Variants in SCN2A observed in about 807,000 individuals in gnomAD.
SCN2A encodes sodium voltage-gated channel alpha subunit 2, also known as sodium channel protein type 2 subunit alpha.
Under a neutral mutation model 188.7 loss-of-function variants are expected in SCN2A, and 20 were observed. The observed-to-expected ratio is 0.11, with a 90% CI of 0.07 to 0.15. SCN2A has a LOEUF of 0.15. Among genes scored for constraint, SCN2A ranks in the 10% least tolerant of loss-of-function variants. The probability of loss-of-function intolerance (pLI) is 1.00; values close to 1 mark genes in which losing one functional copy is unlikely to be tolerated. For synonymous variants in SCN2A, 804 were observed against 833.1 expected, an observed-to-expected ratio of 0.97 and a Z score of 0.60; for missense variants, 1,278 against 2,445.0, an observed-to-expected ratio of 0.52 and a Z score of 10.07.
chr2:165,338,565 A>T (rs1699140367), intron 14 of SCN2A, among the ~76,000 whole-genome samples: 1 of 152,086 alleles, frequency 6.6e-6, no homozygotes, highest in Admixed American at 6.6e-5. Flanking sequence ...GGGCCAGAAC[A>T]TTTTATCTAA....
At chr2:165,286,272 C>A (rs751126614) in intron 1 of SCN2A, among the ~76,000 whole-genome samples, 1 of 152,036 alleles carries the variant, frequency 6.6e-6, no homozygotes. Context: ...GGTTAGTTCA[C>A]CTGGGAAACA....
intron 12 of SCN2A, among the ~76,000 whole-genome samples, chr2:165,326,575 A>ATCTG (rs1310986755): frequency 3.3e-5 from 5 of 152,202 alleles, no homozygotes; most frequent in Non-Finnish European, 7.3e-5. Context: ...CTAAAAGGTT[A>ATCTG]TCTGTCCAGT....
At chr2:165,370,918 G>A (rs564169017) in intron 20 of SCN2A, 1 of 153,638 alleles carries the variant, frequency 6.5e-6, no homozygotes, top group South Asian at 2.0e-4. Context: ...ACTATTAAAT[G>A]TATAAAGGTT....
At chr2:165,364,369 T>C (rs971053612) in intron 17 of SCN2A, among the ~76,000 whole-genome samples, 2 of 152,196 alleles carry the variant, frequency 1.3e-5, no homozygotes, top group African/African-American at 4.8e-5. Flanking sequence ...GTTTATTGCA[T>C]TTCAAGATAT....
At chr2:165,247,799 T>C (rs1693911717) in intron 1 of SCN2A, among the ~76,000 whole-genome samples, 1 of 152,214 alleles carries the variant, frequency 6.6e-6, no homozygotes, top group African/African-American at 2.4e-5. Flanking sequence ...ACTGAACTTG[T>C]GTGTCTAACT....
chr2:165,338,644 A>G (rs1341098164), intron 14 of SCN2A, among the ~76,000 whole-genome samples: 1 of 152,208 alleles, frequency 6.6e-6, no homozygotes, highest in East Asian at 1.9e-4. Flanking sequence ...GAAGCAAAAA[A>G]TCATTAGCAA....
At chr2:165,276,410 AT>A (rs1261423069) in intron 1 of SCN2A, among the ~76,000 whole-genome samples, 4 of 152,106 alleles carry the variant, frequency 2.6e-5, no homozygotes, top group Admixed American at 2.6e-4. Context: ...TTTAAAAAAA[AT>A]GTCTGGACAC....
At chr2:165,350,918 G>A (rs1314445800) in intron 16 of SCN2A, among the ~76,000 whole-genome samples, 3 of 152,148 alleles carry the variant, frequency 2.0e-5, no homozygotes, top group East Asian at 3.8e-4. Context: ...TAAAAAGATA[G>A]TGTTGTGGAG....
intron 20 of SCN2A, 178 bp from the exon 21 acceptor site, chr2:165,373,047 A>G (rs1050394337): frequency 3.3e-6 from 2 of 613,236 alleles, no homozygotes; most frequent in Non-Finnish European, 5.8e-6. Context: ...GCAAATTCTT[A>G]GGCCTTTCCC....
chr2:165,327,937 C>A (rs1698448380), intron 13 of SCN2A: 1 of 152,170 alleles, frequency 6.6e-6, no homozygotes, highest in African/African-American at 2.4e-5. Flanking sequence ...CTCTCCCTAT[C>A]TCTTTACAAA....
At chr2:165,348,526 C>T (rs1278364386) in intron 16 of SCN2A, among the ~76,000 whole-genome samples, 1 of 152,038 alleles carries the variant, frequency 6.6e-6, no homozygotes, top group Admixed American at 6.6e-5. Flanking sequence ...TTTGATAATT[C>T]TGATCTATTT....
intron 1 of SCN2A, among the ~76,000 whole-genome samples, chr2:165,245,949 G>A (rs376488721): frequency 5.9e-5 from 9 of 152,176 alleles, no homozygotes; most frequent in South Asian, 4.1e-4. Flanking sequence ...TCCATCAACC[G>A]AAATCTCTAA....
At chr2:165,254,179 A>G (rs1440795930) in intron 1 of SCN2A, among the ~76,000 whole-genome samples, 4 of 151,780 alleles carry the variant, frequency 2.6e-5, no homozygotes, top group Non-Finnish European at 1.5e-5. Context: ...TAAATGTGAT[A>G]TCTGTTAGAT....
In SCN2A at chr2:165,389,014, T is replaced by G. The variant is rs200016923; in HGVS notation, c.5208T>G (p.Asp1736Glu). Residue 1736 changes from aspartate (D) to glutamate (E), a missense_variant, in exon 27 of 27, where the codon GAT becomes GAG. By Grantham distance (45) the Asp-to-Glu change is conservative (BLOSUM62 2). Around this residue, in one of 17 missense-constraint regions of SCN2A, gnomAD observed 47 missense variants for 109.0 expected, o/e 0.43. Coordinates refer to ENST00000375437, the MANE Select transcript of SCN2A (RefSeq NM_001040142.2). This position sits in a 1 kb window ranked among gnomAD's most constrained non-coding sequence, Gnocchi z 4.2. ...CTCCAGACTGTGACCCTGACAAAGA[T>G]CACCCTGGAAGCTCAGTTAAAGGAG... is the stretch of plus-strand genomic sequence containing the variant. ...SGPPDCDPDK[D>E]HPGSSVKGDC... is the part of the protein sequence containing the mutation. 6.4e-5 allele frequency: 104 copies of G among 1,614,034 alleles called. No homozygotes were observed. Among genetic ancestry groups the G allele is most frequent in the Non-Finnish European group, 5.1e-6 (6 of 1,180,014 alleles).
At chr2:165,261,896 A>C (rs79427333) in intron 1 of SCN2A, among the ~76,000 whole-genome samples, 8,217 of 152,280 alleles carry the variant, frequency 0.054, 241 homozygotes, top group Middle Eastern at 0.18. Context: ...ATGGCTTTTG[A>C]GTGCTTTGGT....
intron 1 of SCN2A, among the ~76,000 whole-genome samples, chr2:165,240,742 T>A (rs1371732794): frequency 2.7e-5 from 4 of 150,314 alleles, no homozygotes; most frequent in Non-Finnish European, 4.4e-5. Context: ...TGTTTTTATC[T>A]CAGTCATTGT....
intron 11 of SCN2A, among the ~76,000 whole-genome samples, chr2:165,319,891 G>A (rs1574583258): frequency 6.6e-6 from 1 of 152,114 alleles, no homozygotes; most frequent in Admixed American, 6.5e-5. Flanking sequence ...TCCACCCCCG[G>A]CCCCTCCCAA....
intron 17 of SCN2A, among the ~76,000 whole-genome samples, chr2:165,357,637 T>C (rs189315369): frequency 8.5e-4 from 130 of 152,316 alleles, no homozygotes; most frequent in African/African-American, 2.9e-3. Flanking sequence ...GTAATTCCTT[T>C]TGTGATTTTG....
intron 1 of SCN2A, among the ~76,000 whole-genome samples, chr2:165,284,240 G>A (rs961038805): frequency 5.9e-5 from 9 of 151,806 alleles, no homozygotes; most frequent in African/African-American, 1.9e-4. Context: ...GCGCGATCTC[G>A]GCTCACTGCA....
Sources: gnomAD v4.1 joint callset for allele counts (sites outside exome capture counted in the v4.1 genomes callset) on GRCh38, gnomAD v4.1.1 for gene constraint, gnomAD v4.1.1 regional missense constraint, Gnocchi (gnomAD v3.1) non-coding constraint, MANE v1.5 for transcripts, NCBI Gene and HGNC (gene_info 2026-07-23, HGNC 2026-07-21) for gene names.